Variants in SPATA31F3 observed in about 807,000 individuals in gnomAD.
The protein encoded by SPATA31F3 is protein SPATA31F3.
the SPATA31F3 span, among the ~76,000 whole-genome samples, chr9:34,891,460 G>C: frequency 6.6e-6 from 1 of 152,190 alleles, no homozygotes; most frequent in Non-Finnish European, 1.5e-5. Flanking sequence ...TGCCACAGTG[G>C]ATCAGAGAAG....
chr9:34,893,335 T>C, the SPATA31F3 span, among the ~76,000 whole-genome samples: 1 of 152,144 alleles, frequency 6.6e-6, no homozygotes, highest in Non-Finnish European at 1.5e-5. Flanking sequence ...ACATAGTGGC[T>C]CATGCCTCTA....
chr9:34,892,758 C>T, the SPATA31F3 span: 1 of 525,184 alleles, frequency 1.9e-6, no homozygotes, highest in South Asian at 3.2e-5. Context: ...GATCCCATGA[C>T]CTGGGACACA....
the SPATA31F3 span, chr9:34,889,553 C>G: frequency 2.5e-6 from 1 of 398,542 alleles, no homozygotes; most frequent in Non-Finnish European, 4.4e-6. Flanking sequence ...GAATGGATTC[C>G]TCATGCCTTC....
chr9:34,890,458 G>A, the SPATA31F3 span, among the ~76,000 whole-genome samples: 1 of 152,180 alleles, frequency 6.6e-6, no homozygotes, highest in African/African-American at 2.4e-5. Context: ...CCTCTGTCAT[G>A]TCTCCACTGG....
At chr9:34,889,084 G>C in the SPATA31F3 span, 2 of 398,472 alleles carry the variant, frequency 5.0e-6, no homozygotes, top group African/African-American at 4.1e-5. Flanking sequence ...AAGGTACAAA[G>C]TATATTTGGA....
At chr9:34,892,793 C>A in the SPATA31F3 span, 1 of 610,222 alleles carries the variant, frequency 1.6e-6, no homozygotes, top group South Asian at 2.1e-5. Flanking sequence ...TCTCTGTCCT[C>A]GCTGAAAGTG....
chr9:34,890,128 G>A, the SPATA31F3 span, among the ~76,000 whole-genome samples: 1 of 152,150 alleles, frequency 6.6e-6, no homozygotes, highest in Non-Finnish European at 1.5e-5. Flanking sequence ...CTAAACTAAA[G>A]TTTTACCTAA....
At chr9:34,890,298 T>C in the SPATA31F3 span, among the ~76,000 whole-genome samples, 1 of 152,190 alleles carries the variant, frequency 6.6e-6, no homozygotes, top group African/African-American at 2.4e-5. Context: ...TCCAGCTGCT[T>C]TGAATGTCAT....
At chr9:34,895,431 C>G in the SPATA31F3 span, 1 of 397,084 alleles carries the variant, frequency 2.5e-6, no homozygotes, top group Non-Finnish European at 4.4e-6. Flanking sequence ...AGCTGCCAAC[C>G]AGAATAATCA....
chr9:34,892,091 C>T, the SPATA31F3 span, among the ~76,000 whole-genome samples: 2 of 152,080 alleles, frequency 1.3e-5, no homozygotes, highest in African/African-American at 4.8e-5. Flanking sequence ...CAGTAATGTG[C>T]AGAAAAGAGA....
At chr9:34,893,985 A>C in the SPATA31F3 span, among the ~76,000 whole-genome samples, 1 of 152,212 alleles carries the variant, frequency 6.6e-6, no homozygotes, top group African/African-American at 2.4e-5. Flanking sequence ...TAAGAAGAGG[A>C]TAAGATGATA....
At chr9:34,893,987 A>G in the SPATA31F3 span, among the ~76,000 whole-genome samples, 5 of 152,232 alleles carry the variant, frequency 3.3e-5, no homozygotes, top group Admixed American at 1.3e-4. Flanking sequence ...AGAAGAGGAT[A>G]AGATGATAGG....
At chr9:34,889,345 TG>T in the SPATA31F3 span, 1 of 398,338 alleles carries the variant, frequency 2.5e-6, no homozygotes, top group Non-Finnish European at 4.4e-6. Context: ...CTGAAGGGAG[TG>T]TTGCTAGAGC....
chr9:34,895,130 T>C, the SPATA31F3 span: 5 of 398,448 alleles, frequency 1.3e-5, no homozygotes, highest in African/African-American at 1.0e-4. Flanking sequence ...CACCATTTTT[T>C]CCCATATCTA....
At chr9:34,893,435 T>C in the SPATA31F3 span, among the ~76,000 whole-genome samples, 20 of 150,932 alleles carry the variant, frequency 1.3e-4, no homozygotes, top group East Asian at 4.0e-3. Flanking sequence ...ACCCCGTCTC[T>C]ACTAAAAATA....
the SPATA31F3 span, chr9:34,895,000 C>A: frequency 2.5e-6 from 1 of 398,478 alleles, no homozygotes; most frequent in South Asian, 1.3e-4. Flanking sequence ...GAACCTCACT[C>A]ACAGCAGAAG....
the SPATA31F3 span, chr9:34,894,475 C>T: frequency 3.8e-4 from 150 of 398,606 alleles, 2 homozygotes; most frequent in South Asian, 2.7e-3. Context: ...CACAACTTCT[C>T]GGCTTCTTCC....
At chr9:34,894,111 T>C in the SPATA31F3 span, among the ~76,000 whole-genome samples, 1 of 152,166 alleles carries the variant, frequency 6.6e-6, no homozygotes, top group Non-Finnish European at 1.5e-5. Context: ...ATGACTTCTT[T>C]ACGCAAAATC....
chr9:34,894,771 TTGTAAAA>T, the SPATA31F3 span, among the ~76,000 whole-genome samples: 1 of 152,208 alleles, frequency 6.6e-6, no homozygotes. Flanking sequence ...TTCCACAGGT[TTGTAAAA>T]CTAGTAAATG....
Sources: gnomAD v4.1 joint callset for allele counts (sites outside exome capture counted in the v4.1 genomes callset) on GRCh38, gnomAD v4.1.1 for gene constraint, MANE v1.5 for transcripts, NCBI Gene and HGNC (gene_info 2026-07-23, HGNC 2026-07-21) for gene names.